Variants in IPO5 observed in about 807,000 individuals in gnomAD.
IPO5 encodes the protein importin-5.
In IPO5, 18 loss-of-function variants were observed where a neutral mutation model predicts 143.3. That is an observed-to-expected ratio of 0.13 (90% CI 0.09 to 0.19). The LOEUF is 0.19. Ranked by LOEUF, IPO5 falls within the 10% of genes least tolerant of loss-of-function variation. IPO5 has a pLI of 1.00. For synonymous variants in IPO5, 477 were observed against 465.7 expected, an observed-to-expected ratio of 1.02 and a Z score of -0.31; for missense variants, 1,013 against 1,336.9, an observed-to-expected ratio of 0.76 and a Z score of 3.78.
At chr13:98,020,954 T>C (rs968919564) in intron 27 of IPO5, 38 bp from the exon 28 acceptor site, 6 of 1,547,740 alleles carry the variant, frequency 3.9e-6, no homozygotes, top group South Asian at 1.2e-5. Flanking sequence ...TTTCTCCTTA[T>C]AAATTTCACT....
At chr13:97,974,074 A>G (rs1162490951) in intron 3 of IPO5, among the ~76,000 whole-genome samples, 1 of 152,118 alleles carries the variant, frequency 6.6e-6, no homozygotes, top group Non-Finnish European at 1.5e-5. Context: ...AAATAATAAT[A>G]ATAACAATAA....
chr13:98,013,069 T>G (rs1365869086), intron 21 of IPO5, among the ~76,000 whole-genome samples: 1 of 152,048 alleles, frequency 6.6e-6, no homozygotes, highest in Non-Finnish European at 1.5e-5. Context: ...ATCTGCATTC[T>G]TTTTTGACAC....
chr13:97,975,829 G>C (rs1461160967), intron 3 of IPO5: 1 of 693,612 alleles, frequency 1.4e-6, no homozygotes, highest in South Asian at 6.4e-5. Context: ...AGACGACCGC[G>C]GGCTGGGGAC....
intron 3 of IPO5, among the ~76,000 whole-genome samples, chr13:97,970,406 G>A (rs1885719786): frequency 6.6e-6 from 1 of 151,958 alleles, no homozygotes; most frequent in Non-Finnish European, 1.5e-5. Context: ...GGATCACGAG[G>A]TCAGGAGTTC....
At chr13:98,012,541 ACCTAT>A (rs1889791739) in intron 21 of IPO5, among the ~76,000 whole-genome samples, 199 bp downstream of exon 21, 1 of 152,180 alleles carries the variant, frequency 6.6e-6, no homozygotes, top group Admixed American at 6.5e-5. Context: ...AGAAAACGTG[ACCTAT>A]CCTATGTTTG....
At chr13:97,977,851 A>G (rs1886513228) in intron 4 of IPO5, among the ~76,000 whole-genome samples, 1 of 152,208 alleles carries the variant, frequency 6.6e-6, no homozygotes, top group Non-Finnish European at 1.5e-5. Context: ...TCATAAGATT[A>G]AGTGAAGGAT....
At chr13:98,000,710 GAT>G in intron 13 of IPO5, 65 bp downstream of exon 13, 1 of 1,046,454 alleles carries the variant, frequency 9.6e-7, no homozygotes, top group Non-Finnish European at 1.5e-6. Context: ...TAAATTCTAA[GAT>G]ATGTTTAGAC....
intron 2 of IPO5, among the ~76,000 whole-genome samples, chr13:97,957,451 C>T (rs1338156155): frequency 6.6e-6 from 1 of 152,156 alleles, no homozygotes; most frequent in African/African-American, 2.4e-5. Flanking sequence ...ATCCACCTAC[C>T]TCCCAAAGTC....
At position 98,023,122 on chromosome 13, in the gene IPO5, A is replaced by G. The variant is rs1890589844; in HGVS notation, c.*1300A>G. On this transcript the variant is annotated 3_prime_UTR_variant, in exon 29 of 29. Coordinates refer to ENST00000651721, the MANE Select transcript of IPO5 (RefSeq NM_002271.6). ...TAAAACTAAATCTGAAATGGAATAG[A>G]AAATAGAATGGATTACATACAGATG... The G allele has an allele frequency of 6.6e-6, 1 of 152,648 alleles. No individual in the cohort carries two copies. Among genetic ancestry groups the G allele is most frequent in the African/African-American group, 2.4e-5 (1 of 41,464 alleles). 9.5% of individuals were successfully genotyped at this position (152,648 alleles called of 1,614,324 possible).
chr13:97,995,397 A>G (rs117295830), intron 11 of IPO5, among the ~76,000 whole-genome samples: 3 of 151,680 alleles, frequency 2.0e-5, no homozygotes, highest in African/African-American at 4.8e-5. Flanking sequence ...CTCAGCTCCC[A>G]CTTATGAGTT....
At chr13:97,998,758 G>T (rs1316429668) in intron 12 of IPO5, among the ~76,000 whole-genome samples, 2 of 152,178 alleles carry the variant, frequency 1.3e-5, no homozygotes, top group African/African-American at 4.8e-5. Flanking sequence ...TGAGTGATTT[G>T]TCTGAGGTTA....
chr13:98,015,260 G>GTGTGTA (rs1286607895), intron 22 of IPO5, among the ~76,000 whole-genome samples: 1 of 151,850 alleles, frequency 6.6e-6, no homozygotes, highest in Non-Finnish European at 1.5e-5. Flanking sequence ...GTGTGTGTGT[G>GTGTGTA]TGTGTGTGTG....
intron 13 of IPO5, chr13:98,001,525 T>G (rs1888776306): frequency 6.6e-6 from 1 of 152,218 alleles, no homozygotes; most frequent in African/African-American, 2.4e-5. Flanking sequence ...TCAAACAGGC[T>G]GGAGTGCAGT....
chr13:98,010,921 C>G (rs1889662539), intron 20 of IPO5, among the ~76,000 whole-genome samples: 1 of 151,382 alleles, frequency 6.6e-6, no homozygotes, highest in African/African-American at 2.4e-5. Context: ...GCTGGGATTA[C>G]AGGCGCCTGC....
chr13:97,993,381 C>T (rs1197228471), intron 11 of IPO5, among the ~76,000 whole-genome samples, 156 bp downstream of exon 11: 2 of 152,302 alleles, frequency 1.3e-5, no homozygotes, highest in South Asian at 4.1e-4. Flanking sequence ...TACATGCAAG[C>T]GTGGACCCCC....
intron 2 of IPO5, among the ~76,000 whole-genome samples, chr13:97,965,340 C>G (rs752549134): frequency 6.6e-6 from 1 of 151,660 alleles, no homozygotes; most frequent in African/African-American, 2.4e-5. Context: ...ACATGTATAT[C>G]GAAACTGAAA....
Position 97,956,570 on chromosome 13 carries a change from C to T in IPO5, c.-113+2372C>T, listed in dbSNP as rs192439226. On this transcript the variant is annotated intron_variant, in intron 2 of 28. Transcript: ENST00000651721. Reference sequence around the variant, plus strand: ...CACCTCTAGCTCTTTACTTTGATTTCGTATGCTTTATAACCTATTACCATA... The same window carrying T: ...CACCTCTAGCTCTTTACTTTGATTTTGTATGCTTTATAACCTATTACCATA... Among the ~76,000 whole-genome samples, 143 of 152,212 alleles carry T rather than the reference C, an allele frequency of 9.4e-4. 2 individuals carry two copies. Among genetic ancestry groups the T allele is most frequent in the African/African-American group, 3.0e-3 (123 of 41,544 alleles).
chr13:98,007,106 CA>C (rs1279109183), intron 17 of IPO5, among the ~76,000 whole-genome samples: 2 of 151,938 alleles, frequency 1.3e-5, no homozygotes, highest in Non-Finnish European at 2.9e-5. Flanking sequence ...CTCCTGACCT[CA>C]AGCAGTCTGC....
intron 2 of IPO5, among the ~76,000 whole-genome samples, chr13:97,955,962 C>T (rs1306375441): frequency 4.6e-5 from 7 of 152,030 alleles, no homozygotes; most frequent in Admixed American, 4.6e-4. Context: ...GAAACCCCGT[C>T]TCTACTAAAA....
Sources: allele counts gnomAD v4.1 joint callset (sites outside exome capture counted in the v4.1 genomes callset), GRCh38; gene constraint gnomAD v4.1.1; transcripts MANE v1.5; gene names NCBI Gene and HGNC (gene_info 2026-07-23, HGNC 2026-07-21).